The following OS9 variants were observed in gnomAD, a reference collection of about 807,000 sequenced individuals.
OS9 encodes the protein OS9 endoplasmic reticulum lectin.
Under a neutral mutation model 84.7 loss-of-function variants are expected in OS9, and 58 were observed. The observed-to-expected ratio is 0.68, with a 90% CI of 0.55 to 0.85. OS9 has a LOEUF of 0.85. Among genes scored for constraint, OS9 ranks in the 40% least tolerant of loss-of-function variants. The probability of loss-of-function intolerance (pLI) is 0.00; values close to 1 mark genes in which losing one functional copy is unlikely to be tolerated. For missense variants in OS9, 760 were observed against 850.9 expected (o/e 0.89, Z 1.33); for synonymous variants, 278 against 320.8 (o/e 0.87, Z 1.43).
In OS9 at chr12:57,719,926, A is replaced by C. The variant is rs922235465; in HGVS notation, c.1601-173A>C. 5 of 615,820 alleles carry C rather than the reference A, an allele frequency of 8.1e-6. No homozygotes were observed. In the African/African-American group the frequency reaches 9.2e-5, roughly 11 times the overall value. The allele number at this position is 615,820 out of a possible 1,614,324, so 38.1% of individuals were successfully genotyped here. ...CTGCAATTGGTGGAGGGAGCTCTAC[A>C]GGCTGAACTGGGAGGGGCGGGGCAC... On this transcript the variant is annotated intron_variant, in intron 12 of 14. Coordinates refer to ENST00000315970, the MANE Select transcript of OS9 (RefSeq NM_006812.4).
rs144906639 is a variant in OS9 at position 57,714,828 on chromosome 12, A to G, written c.580-932A>G. 2.5e-3 allele frequency among the ~76,000 whole-genome samples: 376 copies of G among 150,088 alleles called. 1 individual carries two copies. The highest frequency in any genetic ancestry group is 8.9e-3 in the African/African-American group (363 of 40,794). ...CCAAGGCTGGTCTTGAATTTTTGGC[A>G]TCAAGCCATCCTCCTGCCTTGGCCT... On this transcript the variant is annotated intron_variant, in intron 5 of 14. Transcript: ENST00000315970.
chr12:57,706,846 GAAAAAA>G (rs11423380), intron 5 of OS9, among the ~76,000 whole-genome samples: 44 of 41,732 alleles, frequency 1.1e-3, no homozygotes, highest in Middle Eastern at 0.023. Context: ...ATGACTCTCT[GAAAAAA>G]AAAAAAAAAA....
chr12:57,716,818 T>G (rs1954515446), intron 9 of OS9, 74 bp downstream of exon 9: 15 of 1,395,246 alleles, frequency 1.1e-5, no homozygotes, highest in Non-Finnish European at 1.4e-5. Context: ...AGGGGAGAGC[T>G]AAGCCTGGGA....
chr12:57,709,027 G>T (rs1486146896), intron 5 of OS9, among the ~76,000 whole-genome samples: 1 of 152,108 alleles, frequency 6.6e-6, no homozygotes, highest in Non-Finnish European at 1.5e-5. Flanking sequence ...ATTTCTTAGT[G>T]TGGTTTTAAT....
chr12:57,695,587 T>G (rs1359884576), intron 2 of OS9, 193 bp from the exon 3 acceptor site: 2 of 706,704 alleles, frequency 2.8e-6, no homozygotes, highest in East Asian at 5.4e-5. Flanking sequence ...TTTAGAGATA[T>G]CTCTCCAAGT....
At position 57,694,870 on chromosome 12, in the gene OS9, G is replaced by A; in HGVS notation, c.283G>A (p.Gly95Arg). The change falls in exon 2 of 15, where the codon GGG becomes AGG. Residue 95 changes from glycine to arginine, a missense_variant. By Grantham distance (125) the Gly-to-Arg change is moderately radical. Transcript: ENST00000315970. ...EREEETPAYQ[G>R]PGIPELLSPM... ...GGAGGAGGAAACACCTGCTTACCAA[G>A]GGCCTGGGATCCCTGAGTTGTTGAG... 6.2e-7 allele frequency: 1 copy of A among 1,614,186 alleles called. No individual in the cohort carries two copies.
chr12:57,707,631 T>A (rs1954209230), intron 5 of OS9, among the ~76,000 whole-genome samples: 1 of 152,176 alleles, frequency 6.6e-6, no homozygotes, highest in Non-Finnish European at 1.5e-5. Context: ...ACTCCTGACC[T>A]CAGGTGATCC....
Position 57,717,963 on chromosome 12 carries a change from AG to A in OS9, c.1134+7del. ...CTGAAAGGTGGAACAAAAAAGGTAT[AG>A]GCCGTGCTTAGGGAATGGGTAGAAC... On this transcript the variant is annotated splice_donor_region_variant and intron_variant, in intron 10 of 14. Transcript: ENST00000315970. The A allele has an allele frequency of 6.2e-7, 1 of 1,605,962 alleles. No homozygotes were observed. The highest frequency in any genetic ancestry group is 8.5e-7 in the Non-Finnish European group (1 of 1,177,032).
In OS9 at chr12:57,718,423, C is replaced by G; in HGVS notation, c.1410+2C>G. On this transcript the variant is annotated splice_donor_variant, in intron 11 of 14. Coordinates refer to ENST00000315970, the MANE Select transcript of OS9 (RefSeq NM_006812.4). LOFTEE classifies it high-confidence loss of function. ...GAACTGGAAAACATCATCCAGGAGG[C>G]AAGCCCAGCTCTTCCTCCTGTTGCT... is the stretch of plus-strand genomic sequence containing the variant. The G allele has an allele frequency of 6.2e-7, 1 of 1,611,518 alleles. No homozygotes were observed. Among genetic ancestry groups the G allele is most frequent in the Non-Finnish European group, 8.5e-7 (1 of 1,178,660 alleles).
intron 10 of OS9, 75 bp downstream of exon 10, chr12:57,718,033 G>A: frequency 6.5e-7 from 1 of 1,527,866 alleles, no homozygotes; most frequent in Non-Finnish European, 9.0e-7. Flanking sequence ...CCTGACCTGG[G>A]ACTCAACTCC....
chr12:57,710,076 C>T (rs1484839154), intron 5 of OS9, among the ~76,000 whole-genome samples: 1 of 152,188 alleles, frequency 6.6e-6, no homozygotes, highest in Non-Finnish European at 1.5e-5. Context: ...TGGTCTCAAA[C>T]TCCTGACCTC....
chr12:57,708,957 GGTATAT>G (rs1954251650), intron 5 of OS9, among the ~76,000 whole-genome samples: 1 of 152,132 alleles, frequency 6.6e-6, no homozygotes, highest in Non-Finnish European at 1.5e-5. Context: ...GTGCCAACCT[GGTATAT>G]TTTTAAACTT....
rs778667377 is a variant in OS9, at chr12:57,720,920, A to C, written c.*11A>C. ...GAATTTGACTTCTGAGACCAACACT[A>C]CACTTGACCCTTCACGGAATCCAGA... On this transcript the variant is annotated 3_prime_UTR_variant, in exon 15 of 15. Coordinates refer to ENST00000315970, the MANE Select transcript of OS9 (RefSeq NM_006812.4). The C allele has an allele frequency of 6.2e-7, 1 of 1,613,818 alleles. No homozygotes were observed. The highest frequency in any genetic ancestry group is 1.1e-5 in the South Asian group (1 of 91,068).
intron 5 of OS9, among the ~76,000 whole-genome samples, chr12:57,711,804 T>C (rs1373148229): frequency 6.6e-6 from 1 of 152,226 alleles, no homozygotes; most frequent in African/African-American, 2.4e-5. Context: ...TTACATATAA[T>C]TGGGCTGGGC....
chr12:57,718,959 C>A, intron 11 of OS9, 34 bp from the exon 12 acceptor site: 2 of 1,557,380 alleles, frequency 1.3e-6, no homozygotes, highest in Non-Finnish European at 1.8e-6. Context: ...ACACCCCAGA[C>A]CCTTGACTCA....
chr12:57,717,118 G>C (rs935175746), intron 9 of OS9, among the ~76,000 whole-genome samples: 1 of 152,194 alleles, frequency 6.6e-6, no homozygotes, highest in African/African-American at 2.4e-5. Flanking sequence ...GGGTTCCAGG[G>C]AAGACAAGCC....
chr12:57,699,878 T>C (rs1202721077), intron 5 of OS9, among the ~76,000 whole-genome samples: 1 of 152,142 alleles, frequency 6.6e-6, no homozygotes, highest in Non-Finnish European at 1.5e-5. Context: ...GGCAAATCAC[T>C]TGAGGTCAGG....
At chr12:57,705,741 G>A (rs1171096840) in intron 5 of OS9, among the ~76,000 whole-genome samples, 1 of 152,064 alleles carries the variant, frequency 6.6e-6, no homozygotes, top group Non-Finnish European at 1.5e-5. Context: ...GGCCAGGCTA[G>A]TCTCAAACTC....
chr12:57,703,026 A>G (rs1031009258), intron 5 of OS9, among the ~76,000 whole-genome samples: 21 of 151,928 alleles, frequency 1.4e-4, no homozygotes, highest in African/African-American at 5.1e-4. Flanking sequence ...ATTTTCTCCC[A>G]TCCTGTGGTT....
Sources: allele counts gnomAD v4.1 joint callset (sites outside exome capture counted in the v4.1 genomes callset), GRCh38; gene constraint gnomAD v4.1.1; transcripts MANE v1.5; gene names NCBI Gene and HGNC (gene_info 2026-07-23, HGNC 2026-07-21).